Variants in SORBS2 observed in about 807,000 individuals in gnomAD.
SORBS2 encodes the protein sorbin and SH3 domain containing 2, also known as sorbin and SH3 domain-containing protein 2.
A neutral mutation model predicts 97.7 loss-of-function variants in SORBS2; 46 were observed. The observed-to-expected ratio is 0.47, with a 90% CI of 0.37 to 0.60. SORBS2 has a LOEUF of 0.60. SORBS2 is among the 20% of genes least tolerant of loss of function. The probability of loss-of-function intolerance (pLI) is 0.00; values close to 1 mark genes in which losing one functional copy is unlikely to be tolerated. For missense variants in SORBS2, 1,316 were observed against 1,282.3 expected (o/e 1.03, Z -0.40); for synonymous variants, 476 against 473.4 (o/e 1.01, Z -0.07).
At chr4:185,747,554 G>C (rs1382051316) in intron 2 of SORBS2, among the ~76,000 whole-genome samples, 1 of 152,126 alleles carries the variant, frequency 6.6e-6, no homozygotes, top group Non-Finnish European at 1.5e-5. Context: ...CCTGTCTCAG[G>C]GGCAGCACAA....
chr4:185,732,898 G>A (rs1436376691), intron 2 of SORBS2, among the ~76,000 whole-genome samples: 1 of 152,184 alleles, frequency 6.6e-6, no homozygotes, highest in African/African-American at 2.4e-5. Flanking sequence ...GAGAGATTTG[G>A]AGACAGATCC....
intron 1 of SORBS2, among the ~76,000 whole-genome samples, chr4:185,881,105 A>G (rs886198669): frequency 9.9e-5 from 15 of 152,228 alleles, no homozygotes; most frequent in African/African-American, 3.6e-4. Flanking sequence ...AGCATCATGC[A>G]AGGACTTAGT....
chr4:185,887,958 ATATG>A (rs200313283), intron 1 of SORBS2, among the ~76,000 whole-genome samples: 12,350 of 148,780 alleles, frequency 0.083, 604 homozygotes, highest in East Asian at 0.16. Flanking sequence ...TAGTATATAT[ATATG>A]TGTGTGTGTG....
At chr4:185,625,094 G>T (rs2096788393) in intron 6 of SORBS2, among the ~76,000 whole-genome samples, 1 of 152,144 alleles carries the variant, frequency 6.6e-6, no homozygotes, top group Non-Finnish European at 1.5e-5. Flanking sequence ...GTGAACTATT[G>T]CTGCTAACAT....
At chr4:185,744,454 C>T (rs1562255306) in intron 2 of SORBS2, among the ~76,000 whole-genome samples, 1 of 152,166 alleles carries the variant, frequency 6.6e-6, no homozygotes, top group Non-Finnish European at 1.5e-5. Context: ...CTATTTTAGA[C>T]TCTGCATCAC....
chr4:185,601,771 A>G (rs1276276376), intron 12 of SORBS2, among the ~76,000 whole-genome samples: 2 of 151,926 alleles, frequency 1.3e-5, no homozygotes, highest in African/African-American at 2.4e-5. Context: ...TATTAGGAAA[A>G]ATCAGGGCCT....
chr4:185,827,237 C>A (rs62639501), intron 1 of SORBS2, among the ~76,000 whole-genome samples: 1 of 15,262 alleles, frequency 6.6e-5, no homozygotes, highest in Non-Finnish European at 1.6e-4. Context: ...ATCATCATCA[C>A]CATCACCACC....
chr4:185,913,049 G>A (rs1171976579), intron 1 of SORBS2, among the ~76,000 whole-genome samples: 2 of 152,150 alleles, frequency 1.3e-5, no homozygotes, highest in Non-Finnish European at 2.9e-5. Flanking sequence ...CTGCAGGGTT[G>A]CATTAAAAAA....
chr4:185,606,042 A>G lies in SORBS2; in HGVS notation c.2796+5738T>C. The G allele has an allele frequency of 1.0e-6, 1 of 968,716 alleles. No individual in the cohort carries two copies. The highest frequency in any genetic ancestry group is 1.2e-6 in the Non-Finnish European group (1 of 814,736). The allele number at this position is 968,716 out of a possible 1,614,324, so 60.0% of individuals were successfully genotyped here. On this transcript the variant is annotated intron_variant, in intron 12 of 14. Coordinates refer to ENST00000418609, the Ensembl canonical transcript of SORBS2. The surrounding 1 kb of genome is among the most constrained non-coding windows in gnomAD (Gnocchi z 4.3). ...GACCTCTTTAGAAAATCGAAAGGGG[A>G]CAGAAGTGCTGTTTTTCTTTTCTGT...
At chr4:185,762,127 T>C (rs1383684714) in intron 2 of SORBS2, among the ~76,000 whole-genome samples, 1 of 152,220 alleles carries the variant, frequency 6.6e-6, no homozygotes, top group Admixed American at 6.5e-5. Context: ...GGAGTGATAT[T>C]GAAGACGTGT....
intron 2 of SORBS2, among the ~76,000 whole-genome samples, chr4:185,723,427 T>C (rs2098531890): frequency 1.3e-5 from 2 of 152,228 alleles, no homozygotes; most frequent in Non-Finnish European, 2.9e-5. Flanking sequence ...GCAATGTATT[T>C]AACAGAGCAA....
At chr4:185,631,278 T>C (rs1418954322) in intron 4 of SORBS2, among the ~76,000 whole-genome samples, 1 of 152,258 alleles carries the variant, frequency 6.6e-6, no homozygotes, top group Non-Finnish European at 1.5e-5. Flanking sequence ...ATATAACTTT[T>C]TTAAAGTGCG....
chr4:185,898,976 C>A (rs1182014290), intron 1 of SORBS2, among the ~76,000 whole-genome samples: 1 of 152,010 alleles, frequency 6.6e-6, no homozygotes, highest in Non-Finnish European at 1.5e-5. Context: ...TGCTTTGGTT[C>A]AATGAGAGAT....
chr4:185,740,898 C>T (rs991424883), intron 2 of SORBS2, among the ~76,000 whole-genome samples: 6 of 151,994 alleles, frequency 3.9e-5, no homozygotes, highest in Non-Finnish European at 8.8e-5. Context: ...AGCACTAACT[C>T]GGACCAGCAC....
chr4:185,667,586 G>A lies in SORBS2; in HGVS notation c.-45-5344C>T, dbSNP rs569003455. ...CTCTAAAGCATAACCTTAATCTAAT[G>A]GGTTAAGAAACCCCAACCTTGGATA... On this transcript the variant is annotated intron_variant, in intron 4 of 20. Transcript: ENST00000284776. Among the ~76,000 whole-genome samples, 333 of 151,400 alleles carry A rather than the reference G, an allele frequency of 2.2e-3. 4 individuals are homozygous for A. Among genetic ancestry groups the A allele is most frequent in the Non-Finnish European group, 3.8e-3 (255 of 67,872 alleles).
intron 1 of SORBS2, among the ~76,000 whole-genome samples, chr4:185,952,907 G>A (rs2099277867): frequency 6.6e-6 from 1 of 152,184 alleles, no homozygotes. Flanking sequence ...AAAAGAAAAT[G>A]TGTGTGTGTC....
intron 1 of SORBS2, among the ~76,000 whole-genome samples, chr4:185,909,009 T>C (rs1202597186): frequency 6.6e-6 from 1 of 151,910 alleles, no homozygotes; most frequent in Non-Finnish European, 1.5e-5. Context: ...AAAAATAAAT[T>C]TGGTATATTT....
At chr4:185,942,357 CTT>C (rs141053685) in intron 1 of SORBS2, among the ~76,000 whole-genome samples, 2 of 147,838 alleles carry the variant, frequency 1.4e-5, no homozygotes, top group Admixed American at 6.7e-5. Context: ...TTTATATTTT[CTT>C]TTTTTTTTTG....
chr4:185,699,889 C>G (rs1323484905), intron 2 of SORBS2, among the ~76,000 whole-genome samples: 1 of 152,086 alleles, frequency 6.6e-6, no homozygotes, highest in African/African-American at 2.4e-5. Context: ...TGAAAAAATT[C>G]TTTACATTTC....
Sources: gnomAD v4.1 joint callset for allele counts (sites outside exome capture counted in the v4.1 genomes callset) on GRCh38, gnomAD v4.1.1 for gene constraint, Gnocchi (gnomAD v3.1) non-coding constraint, MANE v1.5 for transcripts, NCBI Gene and HGNC (gene_info 2026-07-23, HGNC 2026-07-21) for gene names.